FGD5: variants seen among roughly 807,000 people sequenced by gnomAD.
FGD5 encodes FYVE, RhoGEF and PH domain-containing protein 5.
A neutral mutation model predicts 133.4 loss-of-function variants in FGD5; 28 were observed. The observed-to-expected ratio is 0.21, with a 90% CI of 0.16 to 0.29. The LOEUF (loss-of-function observed/expected upper bound fraction) is 0.29. FGD5 is among the 10% of genes least tolerant of loss of function. The pLI, the probability that FGD5 is intolerant of heterozygous loss-of-function variation, is 1.00. For missense variants in FGD5, 1,858 were observed against 1,895.2 expected, an observed-to-expected ratio of 0.98 and a Z score of 0.36; for synonymous variants, 810 against 776.5, an observed-to-expected ratio of 1.04 and a Z score of -0.72.
chr3:14,911,859 C>G (rs1405234393), intron 11 of FGD5, among the ~76,000 whole-genome samples: 2 of 150,496 alleles, frequency 1.3e-5, no homozygotes, highest in African/African-American at 4.9e-5. Context: ...ACGGCAGCGC[C>G]GCCGTGTCTG....
chr3:14,895,079 G>C (rs545647937), intron 4 of FGD5, among the ~76,000 whole-genome samples: 24 of 152,216 alleles, frequency 1.6e-4, no homozygotes, highest in Non-Finnish European at 2.9e-4. Context: ...TATTTGAGTT[G>C]TGTGAGCTCC....
intron 1 of FGD5, among the ~76,000 whole-genome samples, chr3:14,855,154 G>T (rs1002305400): frequency 6.6e-6 from 1 of 152,088 alleles, no homozygotes; most frequent in Admixed American, 6.5e-5. Context: ...TTAACATAAT[G>T]TCCTCCAATC....
rs571205236 is a variant in FGD5, at chr3:14,905,864, G to T, written c.3265-1776G>T. Among the ~76,000 whole-genome samples, 10 of 152,188 alleles carry T rather than the reference G, an allele frequency of 6.6e-5. No homozygotes were observed. In the East Asian group the frequency reaches 1.7e-3, roughly 26 times the overall value. The stretch of plus-strand genomic sequence containing the variant: ...CTCATAACTTGTTATTGGAGGCCAG[G>T]CATTATGTGTAGAAGCACTGTAGAG... On this transcript the variant is annotated intron_variant, in intron 9 of 19. Coordinates refer to ENST00000285046, the MANE Select transcript of FGD5 (RefSeq NM_152536.4).
At chr3:14,896,311 A>G (rs998140162) in intron 4 of FGD5, among the ~76,000 whole-genome samples, 16 of 152,222 alleles carry the variant, frequency 1.1e-4, no homozygotes, top group African/African-American at 3.9e-4. Flanking sequence ...TAACCACAAA[A>G]GACCCCCAAC....
At chr3:14,846,699 C>T (rs2037057935) in intron 1 of FGD5, among the ~76,000 whole-genome samples, 1 of 152,198 alleles carries the variant, frequency 6.6e-6, no homozygotes, top group Non-Finnish European at 1.5e-5. Context: ...GGGAAACTTC[C>T]CAACCGTGGG....
rs1181940100 is a variant in FGD5 at position 14,872,662 on chromosome 3, T to C, written c.2659-7910T>C. On this transcript the variant is annotated intron_variant, in intron 2 of 19. Transcript: ENST00000285046. ...CCCATGTTCACCTTGGGGTGGAGAC[T>C]TAAATGTATTACAGTTAGGCCTTAT... is the stretch of plus-strand genomic sequence containing the variant. Among the ~76,000 whole-genome samples, 5 of 152,366 alleles carry C rather than the reference T, an allele frequency of 3.3e-5. No individual in the cohort carries two copies. In the East Asian group the frequency reaches 9.6e-4, roughly 29 times the overall value.
At chr3:14,813,444 G>T (rs1364793719) in intron 1 of FGD5, among the ~76,000 whole-genome samples, 1 of 152,186 alleles carries the variant, frequency 6.6e-6, no homozygotes, top group Non-Finnish European at 1.5e-5. Flanking sequence ...AGGCACCCAG[G>T]AATGAAAGTT....
chr3:14,908,013 T>C (rs959045254), intron 10 of FGD5, among the ~76,000 whole-genome samples: 1 of 152,204 alleles, frequency 6.6e-6, no homozygotes, highest in African/African-American at 2.4e-5. Flanking sequence ...ATATTTTCAG[T>C]GCAGAGTTGC....
intron 4 of FGD5, among the ~76,000 whole-genome samples, chr3:14,894,968 CT>C (rs1289941253): frequency 6.6e-6 from 1 of 152,016 alleles, no homozygotes; most frequent in African/African-American, 2.4e-5. Flanking sequence ...TGATGTTGAG[CT>C]TTTTTCATAT....
chr3:14,888,998 G>C (rs35881947), intron 4 of FGD5, among the ~76,000 whole-genome samples: 2,729 of 152,322 alleles, frequency 0.018, 37 homozygotes, highest in Non-Finnish European at 0.03. Context: ...CAGGTAATTT[G>C]GATGCACACT....
chr3:14,838,135 T>G (rs1287108195), intron 1 of FGD5, among the ~76,000 whole-genome samples: 1 of 152,198 alleles, frequency 6.6e-6, no homozygotes, highest in Non-Finnish European at 1.5e-5. Context: ...CCTGTGGGAC[T>G]GAGGGCCCTG....
chr3:14,834,819 GT>G, intron 1 of FGD5, among the ~76,000 whole-genome samples: 1 of 152,274 alleles, frequency 6.6e-6, no homozygotes, highest in East Asian at 1.9e-4. Flanking sequence ...AAATTCCTGG[GT>G]TGTATTTTGT....
chr3:14,880,821 C>T, intron 4 of FGD5, 49 bp downstream of exon 4: 1 of 1,599,614 alleles, frequency 6.3e-7, no homozygotes, highest in Non-Finnish European at 8.5e-7. Flanking sequence ...TTTTACAAGT[C>T]TGTGATATAA....
Position 14,812,014 on chromosome 3 carries a change from GTGTGTGTGTGTGTGTGTATGTA to G in FGD5, c.13+1165_13+1186del, listed in dbSNP as rs375133972. Among the ~76,000 whole-genome samples, 97 of 93,758 alleles carry G rather than the reference GTGTGTGTGTGTGTGTGTATGTA, an allele frequency of 1.0e-3. 1 individual carries two copies. The highest frequency in any genetic ancestry group is 2.9e-3 in the Admixed American group (23 of 7,876). 61.5% of individuals were successfully genotyped at this position (93,758 alleles called of 152,430 possible). ...CCATATCCTGCTGGTGTGTGTGTGT[GTGTGTGTGTGTGTGTGTATGTA>G]TGTGTGTGTGTGTGTAGGATTTTTT... is the stretch of plus-strand genomic sequence containing the variant. On this transcript the variant is annotated intron_variant, in intron 1 of 1. Coordinates refer to the FGD5 transcript ENST00000640506.
chr3:14,845,441 T>TG (rs1417035600), intron 1 of FGD5, among the ~76,000 whole-genome samples: 2 of 152,224 alleles, frequency 1.3e-5, no homozygotes, highest in African/African-American at 2.4e-5. Context: ...GAATACCTCC[T>TG]GGGGCAGGGT....
rs1206333858 is a variant in FGD5, at chr3:14,932,695, A to T, written c.4316A>T (p.Tyr1439Phe). ...FHLYHKKTLFYSFKAEDTNSA... is the reference protein window; with the variant it reads ...FHLYHKKTLFFSFKAEDTNSA... ...CTTTACCACAAGAAAACCCTATTTT[A>T]TAGCTTCAAAGCAGAAGATACCAAT... Residue 1439 changes from tyrosine (Y) to phenylalanine (F), a missense_variant, in exon 19 of 20, where the codon TAT becomes TTT. Around this residue, in one of 3 missense-constraint regions of FGD5, gnomAD observed 1,824 missense variants for 1,848.9 expected, o/e 0.99. Transcript: ENST00000285046. 35 of 1,613,928 alleles carry T rather than the reference A, an allele frequency of 2.2e-5. No individual in the cohort carries two copies. Among genetic ancestry groups the T allele is most frequent in the Non-Finnish European group, 3.0e-5 (35 of 1,179,902 alleles).
chr3:14,849,853 T>TA (rs972573229), intron 1 of FGD5, among the ~76,000 whole-genome samples: 5 of 151,726 alleles, frequency 3.3e-5, no homozygotes, highest in Non-Finnish European at 7.4e-5. Context: ...TAGTAAGCCC[T>TA]AAAAAAAATG....
At chr3:14,827,046 T>A (rs2036613116) in intron 1 of FGD5, among the ~76,000 whole-genome samples, 1 of 152,222 alleles carries the variant, frequency 6.6e-6, no homozygotes, top group South Asian at 2.1e-4. Flanking sequence ...GTCTCTATTA[T>A]TATGACTGTA....
At chr3:14,882,196 ATT>A in intron 4 of FGD5, 11 of 616,638 alleles carry the variant, frequency 1.8e-5, no homozygotes, top group Non-Finnish European at 2.2e-5. Flanking sequence ...TCAGTTTCCC[ATT>A]TTTTTTTTAA....
Sources: allele counts gnomAD v4.1 joint callset (sites outside exome capture counted in the v4.1 genomes callset), GRCh38; gene constraint gnomAD v4.1.1; regional missense constraint gnomAD v4.1.1; transcripts MANE v1.5; gene names NCBI Gene and HGNC (gene_info 2026-07-23, HGNC 2026-07-21).